KCTD8: variants seen among roughly 807,000 people sequenced by gnomAD.
KCTD8 encodes the protein BTB/POZ domain-containing protein KCTD8.
In KCTD8, 27 loss-of-function variants were observed where a neutral mutation model predicts 31.5. That is an observed-to-expected ratio of 0.86 (90% confidence interval 0.63 to 1.18). The LOEUF (loss-of-function observed/expected upper bound fraction) is 1.18, where lower values mean the gene tolerates loss of function less well. Among genes scored for constraint, KCTD8 ranks in the 50% most tolerant of loss-of-function variants. The pLI, the probability that KCTD8 is intolerant of heterozygous loss-of-function variation, is 0.00. For synonymous variants in KCTD8, 290 were observed against 280.0 expected, an observed-to-expected ratio of 1.04 and a Z score of -0.36; for missense variants, 658 against 647.7, an observed-to-expected ratio of 1.02 and a Z score of -0.17.
At chr4:44,395,689 A>G (rs1264533849) in intron 1 of KCTD8, among the ~76,000 whole-genome samples, 1 of 152,002 alleles carries the variant, frequency 6.6e-6, no homozygotes, top group Non-Finnish European at 1.5e-5. Context: ...GTATACATTT[A>G]CCTTTGCAAA....
chr4:44,193,824 C>A (rs1713841118), intron 1 of KCTD8, among the ~76,000 whole-genome samples: 1 of 151,994 alleles, frequency 6.6e-6, no homozygotes, highest in African/African-American at 2.4e-5. Flanking sequence ...CTCTGACATG[C>A]ATATTTCTGT....
At chr4:44,277,063 G>T (rs929071901) in intron 1 of KCTD8, among the ~76,000 whole-genome samples, 5 of 151,748 alleles carry the variant, frequency 3.3e-5, no homozygotes, top group African/African-American at 1.2e-4. Flanking sequence ...AAAATTAAAT[G>T]AATTAGTACA....
intron 1 of KCTD8, among the ~76,000 whole-genome samples, chr4:44,402,669 A>G (rs1720694423): frequency 6.6e-6 from 1 of 152,180 alleles, no homozygotes; most frequent in South Asian, 2.1e-4. Context: ...TTGCAAACGT[A>G]TTTAACTAAA....
chr4:44,348,722 T>C (rs962640500), intron 1 of KCTD8, among the ~76,000 whole-genome samples: 1 of 152,162 alleles, frequency 6.6e-6, no homozygotes. Flanking sequence ...TCCTTGTTGC[T>C]TACAGCCATG....
intron 1 of KCTD8, among the ~76,000 whole-genome samples, chr4:44,228,860 C>T (rs2109351565): frequency 6.6e-6 from 1 of 152,254 alleles, no homozygotes; most frequent in Admixed American, 6.5e-5. Context: ...ATGAATTGTG[C>T]TTTATATAAA....
intron 1 of KCTD8, among the ~76,000 whole-genome samples, chr4:44,304,393 C>T (rs1717738014): frequency 6.6e-6 from 1 of 152,080 alleles, no homozygotes; most frequent in African/African-American, 2.4e-5. Flanking sequence ...AAATAGTTTT[C>T]CTAATCTTTC....
At chr4:44,246,676 C>T (rs911880315) in intron 1 of KCTD8, among the ~76,000 whole-genome samples, 23 of 151,966 alleles carry the variant, frequency 1.5e-4, no homozygotes, top group African/African-American at 5.1e-4. Context: ...TAATTCTTCA[C>T]GTCACATTCA....
intron 1 of KCTD8, among the ~76,000 whole-genome samples, chr4:44,362,641 T>C (rs1225965896): frequency 6.6e-6 from 1 of 152,054 alleles, no homozygotes; most frequent in Non-Finnish European, 1.5e-5. Context: ...GGGGTAATTG[T>C]GGTAGGAACA....
chr4:44,323,331 T>A (rs997339183), intron 1 of KCTD8, among the ~76,000 whole-genome samples: 1 of 151,750 alleles, frequency 6.6e-6, no homozygotes, highest in Non-Finnish European at 1.5e-5. Context: ...CTCCCTCTTC[T>A]AAAAATACAA....
intron 1 of KCTD8, among the ~76,000 whole-genome samples, chr4:44,287,220 C>T (rs1717105290): frequency 6.6e-6 from 1 of 151,930 alleles, no homozygotes; most frequent in African/African-American, 2.4e-5. Flanking sequence ...AGTTCAAGAC[C>T]AGCCTGGACA....
intron 1 of KCTD8, among the ~76,000 whole-genome samples, chr4:44,424,245 C>A (rs1429492856): frequency 6.6e-6 from 1 of 151,952 alleles, no homozygotes; most frequent in Non-Finnish European, 1.5e-5. Context: ...CACCACCATC[C>A]CCCAACACTT....
chr4:44,274,472 G>A (rs1233794112), intron 1 of KCTD8, among the ~76,000 whole-genome samples: 1 of 151,816 alleles, frequency 6.6e-6, no homozygotes, highest in Non-Finnish European at 1.5e-5. Flanking sequence ...AAAGTCTGAA[G>A]CTCTTCCATG....
intron 1 of KCTD8, among the ~76,000 whole-genome samples, chr4:44,257,778 T>C (rs964449759): frequency 2.6e-5 from 4 of 151,994 alleles, no homozygotes; most frequent in African/African-American, 9.7e-5. Flanking sequence ...AAAAATGAGT[T>C]GAAAGTAATG....
intron 1 of KCTD8, among the ~76,000 whole-genome samples, chr4:44,255,223 C>T (rs1715957054): frequency 6.6e-6 from 1 of 151,816 alleles, no homozygotes; most frequent in African/African-American, 2.4e-5. Flanking sequence ...TCAACTTAAG[C>T]AGAATCTATG....
intron 1 of KCTD8, among the ~76,000 whole-genome samples, chr4:44,288,947 A>T (rs112783757): frequency 0.23 from 34,919 of 151,556 alleles, 4,762 homozygotes; most frequent in Non-Finnish European, 0.31. Context: ...TTCTATAAAA[A>T]CAATAAAGGA....
intron 1 of KCTD8, among the ~76,000 whole-genome samples, chr4:44,213,467 T>C (rs550772471): frequency 2.1e-4 from 32 of 152,226 alleles, no homozygotes; most frequent in Non-Finnish European, 4.0e-4. Flanking sequence ...TTCTTCTGTT[T>C]GTTAAAATAT....
At chr4:44,337,705 A>T (rs1014779226) in intron 1 of KCTD8, among the ~76,000 whole-genome samples, 2 of 150,514 alleles carry the variant, frequency 1.3e-5, no homozygotes, top group Admixed American at 6.7e-5. Flanking sequence ...ATATGTGTAT[A>T]TATATTTAGT....
At chr4:44,191,960 AT>A (rs1462124310) in intron 1 of KCTD8, among the ~76,000 whole-genome samples, 1 of 152,034 alleles carries the variant, frequency 6.6e-6, no homozygotes, top group Non-Finnish European at 1.5e-5. Flanking sequence ...GAAATCCCTA[AT>A]AAAAATTGCT....
At chr4:44,320,699 C>T (rs1178338481) in intron 1 of KCTD8, among the ~76,000 whole-genome samples, 3 of 151,464 alleles carry the variant, frequency 2.0e-5, no homozygotes, top group African/African-American at 7.3e-5. Context: ...AACAGTAAAG[C>T]AGTAGCTGTG....
Sources: allele counts gnomAD v4.1 joint callset (sites outside exome capture counted in the v4.1 genomes callset), GRCh38; gene constraint gnomAD v4.1.1; transcripts MANE v1.5; gene names NCBI Gene and HGNC (gene_info 2026-07-23, HGNC 2026-07-21).